Variants in RNF19A observed in about 807,000 individuals in gnomAD.
The protein encoded by RNF19A is E3 ubiquitin-protein ligase RNF19A.
RNF19A carries 32 observed loss-of-function variants against 75.7 expected under a neutral mutation model. That is an observed-to-expected ratio of 0.42 (90% CI 0.32 to 0.57). The LOEUF (loss-of-function observed/expected upper bound fraction) is 0.57, where lower values mean the gene tolerates loss of function less well. Ranked by LOEUF, RNF19A falls within the 20% of genes least tolerant of loss-of-function variation. The pLI, the probability that RNF19A is intolerant of heterozygous loss-of-function variation, is 0.10. For missense variants in RNF19A, 782 were observed against 1,036.3 expected (o/e 0.75, Z 3.37); for synonymous variants, 335 against 345.2 (o/e 0.97, Z 0.33).
intron 1 of RNF19A, chr8:100,300,499 A>C (rs536705832): frequency 3.0e-4 from 45 of 152,090 alleles, no homozygotes; most frequent in African/African-American, 1.0e-3. Context: ...CAAAAACTAC[A>C]CAAATTAGCT....
At position 100,287,968 on chromosome 8, in the gene RNF19A, G is replaced by C. The variant is rs1181371379; in HGVS notation, c.207C>G (p.Ser69=). 4 of 1,614,156 alleles carry C rather than the reference G, an allele frequency of 2.5e-6. No homozygotes were observed. The highest frequency in any genetic ancestry group is 3.4e-6 in the Non-Finnish European group (4 of 1,180,034). Residue 69 remains serine (S), a synonymous_variant, in exon 2 of 10, where the codon TCC becomes TCG. Transcript: ENST00000341084. The surrounding 1 kb of genome is among the most constrained non-coding windows in gnomAD (Gnocchi z 4.1). ...APKKRRISIG[S]LFRRKKDNKR... is the part of the protein sequence containing the mutation. The stretch of plus-strand genomic sequence containing the variant: ...TGTTATCTTTTTTCCTCCGAAACAG[G>C]GAGCCTATTGAAATTCTTCTTTTTT...
intron 1 of RNF19A, among the ~76,000 whole-genome samples, chr8:100,303,663 C>G (rs1025424067): frequency 2.0e-5 from 3 of 151,868 alleles, no homozygotes; most frequent in African/African-American, 7.3e-5. Flanking sequence ...GTGGCTCACG[C>G]CTGTAATCCC....
chr8:100,328,116 C>T (rs1010243811), intron 1 of RNF19A, among the ~76,000 whole-genome samples: 9 of 152,136 alleles, frequency 5.9e-5, no homozygotes, highest in African/African-American at 1.7e-4. Context: ...TACATCCCCC[C>T]ACTCTCCACC....
chr8:100,328,010 T>A (rs1261378467), intron 1 of RNF19A, among the ~76,000 whole-genome samples: 2 of 152,350 alleles, frequency 1.3e-5, no homozygotes, highest in East Asian at 1.9e-4. Flanking sequence ...TCTCGCATCA[T>A]GATGAGTCTG....
rs1206433556 is a variant in RNF19A at position 100,287,626 on chromosome 8, A to G, written c.549T>C (p.Phe183=). ...NISCPECTER[F]NPHDIRLILS... is the part of the protein sequence containing the mutation. ...ATATCAAGCGAATATCATGGGGATT[A>G]AACCGTTCAGTACATTCTGGGCAAC... is the stretch of plus-strand genomic sequence containing the variant. Residue 183 remains phenylalanine, a synonymous_variant, in exon 2 of 10, where the codon TTT becomes TTC. Transcript: ENST00000341084. This position sits in a 1 kb window ranked among gnomAD's most constrained non-coding sequence, Gnocchi z 4.1. The G allele has an allele frequency of 6.2e-7, 1 of 1,614,178 alleles. No individual in the cohort carries two copies. Among genetic ancestry groups the G allele is most frequent in the East Asian group, 2.2e-5 (1 of 44,882 alleles).
rs1820529086 is a variant in RNF19A, at chr8:100,276,659, G to A, written c.675-1498C>T. 2.7e-5 allele frequency among the ~76,000 whole-genome samples: 4 copies of A among 150,448 alleles called. No homozygotes were observed. The South Asian group carries it at 8.4e-4, about 32-fold the overall frequency. ...AATCCCAGCTACTTGGGTGGCTGAG[G>A]CAGAACTGCTTGAACTTGGGAGGCA... On this transcript the variant is annotated intron_variant, in intron 2 of 9. Transcript: ENST00000341084.
rs772604428 is a variant in RNF19A at position 100,325,627 on chromosome 8, C to T, written c.-243+10481G>A. 6.6e-6 allele frequency among the ~76,000 whole-genome samples: 1 copy of T among 152,206 alleles called. No homozygotes were observed. Among genetic ancestry groups the T allele is most frequent in the Non-Finnish European group, 1.5e-5 (1 of 68,036 alleles). The stretch of plus-strand genomic sequence containing the variant: ...CAAGCCCAGCCTATATTTGCCATAT[C>T]TTGGCCCCATCCCACAGTAGGGAAG... On this transcript the variant is annotated intron_variant, in intron 1 of 3. Coordinates refer to the RNF19A transcript ENST00000519527. This position sits in a 1 kb window ranked among gnomAD's most constrained non-coding sequence, Gnocchi z 4.3.
intron 5 of RNF19A, chr8:100,268,563 A>G (rs1199853801): frequency 2.8e-6 from 1 of 352,452 alleles, no homozygotes; most frequent in African/African-American, 2.1e-5. Flanking sequence ...AAATTTTCAG[A>G]TTCAGAACAT....
chr8:100,310,169 C>T, upstream of RNF19A: 1 of 985,474 alleles, frequency 1.0e-6, no homozygotes, highest in Non-Finnish European at 1.2e-6. Context: ...CCCCGGCCGC[C>T]CCGCCCCAGC....
At chr8:100,278,804 A>G (rs1024807932) in intron 2 of RNF19A, among the ~76,000 whole-genome samples, 2 of 152,276 alleles carry the variant, frequency 1.3e-5, no homozygotes, top group African/African-American at 4.8e-5. Context: ...TTTTAAAAAA[A>G]AGTACTTCTT....
chr8:100,303,618 C>T lies in RNF19A; in HGVS notation c.-94+6249G>A, dbSNP rs114088410. ...ATGCAAAAATCTAAAGGATATTTAA[C>T]GTTTGTGCATAATTTTAAAAATGGG... On this transcript the variant is annotated intron_variant, in intron 1 of 9. Coordinates refer to ENST00000341084, the MANE Select transcript of RNF19A (RefSeq NM_183419.4). 2.9e-3 allele frequency among the ~76,000 whole-genome samples: 436 copies of T among 152,168 alleles called. 5 individuals carry two copies. Among genetic ancestry groups the T allele is most frequent in the African/African-American group, 9.4e-3 (390 of 41,502 alleles).
chr8:100,319,750 C>G (rs1352975986), intron 1 of RNF19A, among the ~76,000 whole-genome samples: 10 of 147,494 alleles, frequency 6.8e-5, no homozygotes, highest in East Asian at 4.1e-4. Context: ...GGCTGGTCTC[C>G]ATCTCCTGAC....
Position 100,329,174 on chromosome 8 carries a change from A to C in RNF19A, c.-243+6934T>G, listed in dbSNP as rs150708646. Among the ~76,000 whole-genome samples the C allele has an allele frequency of 3.6e-3, 545 of 152,302 alleles. 3 individuals are homozygous for C. The highest frequency in any genetic ancestry group is 0.012 in the African/African-American group (505 of 41,554). ...ATCCAGAACTGCTGGCACAAAGCAA[A>C]AGTGGGTGCAAAGGTTGGCAGTGGC... On this transcript the variant is annotated intron_variant, in intron 1 of 3. Coordinates refer to the RNF19A transcript ENST00000519527. The surrounding 1 kb of genome is among the most constrained non-coding windows in gnomAD (Gnocchi z 4.3).
At chr8:100,309,678 G>A (rs1822220356) in intron 1 of RNF19A, among the ~76,000 whole-genome samples, 189 bp downstream of exon 1, 1 of 152,174 alleles carries the variant, frequency 6.6e-6, no homozygotes. Flanking sequence ...GACCCCCTAA[G>A]CCGGCCACGG....
rs376425857 is a variant in RNF19A at position 100,284,231 on chromosome 8, A to G, written c.674+3270T>C. The stretch of plus-strand genomic sequence containing the variant: ...CAACAAGATAGGATAGGGACTCAAA[A>G]TCAGGTATTTACAGCTCATAATAAG... On this transcript the variant is annotated intron_variant, in intron 2 of 9. Transcript: ENST00000341084. This position sits in a 1 kb window ranked among gnomAD's most constrained non-coding sequence, Gnocchi z 4.3. Among the ~76,000 whole-genome samples the G allele has an allele frequency of 8.5e-5, 13 of 152,284 alleles. No individual in the cohort carries two copies. In the South Asian group the frequency reaches 2.1e-3, roughly 24 times the overall value.
intron 2 of RNF19A, among the ~76,000 whole-genome samples, chr8:100,277,496 TAG>T (rs745481386): frequency 6.6e-6 from 1 of 152,172 alleles, no homozygotes; most frequent in Non-Finnish European, 1.5e-5. Context: ...GCATTTTTAG[TAG>T]AGACGGGGTT....
intron 1 of RNF19A, among the ~76,000 whole-genome samples, chr8:100,292,311 C>T (rs1161234396): frequency 6.6e-6 from 1 of 152,192 alleles, no homozygotes; most frequent in East Asian, 1.9e-4. Context: ...AGTATTGTCT[C>T]ACTACAAGTC....
chr8:100,306,789 G>A (rs1822079099), intron 1 of RNF19A, among the ~76,000 whole-genome samples: 1 of 152,020 alleles, frequency 6.6e-6, no homozygotes, highest in Non-Finnish European at 1.5e-5. Context: ...TTGTTTCAAT[G>A]TTAGACATCT....
At chr8:100,274,621 G>A (rs187265015) in intron 3 of RNF19A, among the ~76,000 whole-genome samples, 1 of 152,152 alleles carries the variant, frequency 6.6e-6, no homozygotes. Flanking sequence ...CTGGCCTTAA[G>A]TGGTCGGCCC....
Sources: gnomAD v4.1 joint callset for allele counts (sites outside exome capture counted in the v4.1 genomes callset) on GRCh38, gnomAD v4.1.1 for gene constraint, Gnocchi (gnomAD v3.1) non-coding constraint, MANE v1.5 for transcripts, NCBI Gene and HGNC (gene_info 2026-07-23, HGNC 2026-07-21) for gene names.